HDAC4: variants seen among roughly 807,000 people sequenced by gnomAD.
HDAC4 encodes the protein histone deacetylase 4.
HDAC4 carries 16 observed loss-of-function variants against 135.1 expected under a neutral mutation model. The observed-to-expected ratio is 0.12, with a 90% confidence interval of 0.08 to 0.18. The LOEUF (loss-of-function observed/expected upper bound fraction) is 0.18, where lower values mean the gene tolerates loss of function less well. Ranked by LOEUF, HDAC4 falls within the 10% of genes least tolerant of loss-of-function variation. HDAC4 has a pLI of 1.00. For missense variants in HDAC4, 1,143 were observed against 1,511.8 expected, an observed-to-expected ratio of 0.76 and a Z score of 4.05; for synonymous variants, 685 against 653.4, an observed-to-expected ratio of 1.05 and a Z score of -0.74.
At chr2:239,118,384 G>A (rs1055908319) in intron 12 of HDAC4, among the ~76,000 whole-genome samples, 4 of 152,196 alleles carry the variant, frequency 2.6e-5, no homozygotes, top group Admixed American at 6.5e-5. Flanking sequence ...CGTGGGTGTC[G>A]GGGCGGGCCG....
chr2:239,392,962 G>C (rs1417327665), intron 1 of HDAC4, among the ~76,000 whole-genome samples: 1 of 152,164 alleles, frequency 6.6e-6, no homozygotes, highest in Non-Finnish European at 1.5e-5. Flanking sequence ...CTCCAGCACG[G>C]TTTCTACACA....
At chr2:239,246,395 G>A (rs1302066548) in intron 2 of HDAC4, among the ~76,000 whole-genome samples, 1 of 152,246 alleles carries the variant, frequency 6.6e-6, no homozygotes, top group Non-Finnish European at 1.5e-5. Context: ...GCAGGCCACA[G>A]GACGCGAGGA....
chr2:239,236,513 C>T, intron 3 of HDAC4, 80 bp downstream of exon 3: 1 of 1,177,654 alleles, frequency 8.5e-7, no homozygotes, highest in Admixed American at 2.0e-5. Context: ...CTCTGCACTC[C>T]TCCAATAAGG....
At chr2:239,122,087 C>T (rs1418335877) in intron 12 of HDAC4, among the ~76,000 whole-genome samples, 1 of 152,208 alleles carries the variant, frequency 6.6e-6, no homozygotes, top group East Asian at 1.9e-4. Flanking sequence ...ACGGCCAAAA[C>T]CGAACTGGTA....
chr2:239,299,449 G>A lies in HDAC4; in HGVS notation c.22+53229C>T, dbSNP rs565328068. Among the ~76,000 whole-genome samples the A allele has an allele frequency of 5.3e-4, 81 of 152,262 alleles. 2 individuals carry two copies. The South Asian group carries it at 0.015, about 29-fold the overall frequency. ...CTCAAGCAGATATTCTGATCCCCTC[G>A]CACAACCACGGCACTGGGGTGCCGA... On this transcript the variant is annotated intron_variant, in intron 2 of 26. Transcript: ENST00000543185. This position sits in a 1 kb window ranked among gnomAD's most constrained non-coding sequence, Gnocchi z 4.0.
At chr2:239,398,083 T>TAC (rs10629563) in intron 1 of HDAC4, among the ~76,000 whole-genome samples, 150,606 of 152,356 alleles carry the variant, frequency 0.99, 74,440 homozygotes, top group East Asian at 1. Context: ...CATCCCCAGC[T>TAC]AGTCATCAAT....
chr2:239,131,014 T>G (rs1315871320), intron 11 of HDAC4, among the ~76,000 whole-genome samples: 6 of 152,202 alleles, frequency 3.9e-5, no homozygotes, highest in Admixed American at 3.9e-4. Flanking sequence ...CTCAGCTAGT[T>G]ATGCGGAGAC....
intron 7 of HDAC4, among the ~76,000 whole-genome samples, chr2:239,147,968 C>T (rs895884706): frequency 5.3e-5 from 8 of 152,328 alleles, no homozygotes; most frequent in African/African-American, 1.4e-4. Flanking sequence ...CTCTCAGAGC[C>T]GGAACGCTTT....
chr2:239,078,504 T>C (rs1380834571), intron 22 of HDAC4, among the ~76,000 whole-genome samples: 1 of 152,062 alleles, frequency 6.6e-6, no homozygotes, highest in East Asian at 1.9e-4. Flanking sequence ...AATTGTAAAC[T>C]TCAAAGTGCT....
At chr2:239,205,500 A>G (rs1356481715) in intron 3 of HDAC4, among the ~76,000 whole-genome samples, 5 of 152,220 alleles carry the variant, frequency 3.3e-5, no homozygotes, top group African/African-American at 1.2e-4. Flanking sequence ...ATATAAACAT[A>G]TACCAGGCTG....
At chr2:239,251,277 G>A (rs1347423184) in intron 2 of HDAC4, among the ~76,000 whole-genome samples, 7 of 152,194 alleles carry the variant, frequency 4.6e-5, no homozygotes, top group Non-Finnish European at 7.3e-5. Context: ...CACAGCTAGC[G>A]TCGTGGGTGA....
At chr2:239,092,458 G>A (rs570421779) in intron 17 of HDAC4, among the ~76,000 whole-genome samples, 156 of 152,194 alleles carry the variant, frequency 1.0e-3, no homozygotes, top group African/African-American at 3.4e-3. Context: ...TGCAGGGAGC[G>A]GAGGGTGTAC....
rs968067683 is a variant in HDAC4, at chr2:239,262,563, G to A, written c.23-25899C>T. ...CAAGACTGATCTCTACTCTGAGGGGGCCAGAGCCTGGCTCTGACACTCTTG... is the reference window on the plus strand; with the variant it reads ...CAAGACTGATCTCTACTCTGAGGGGACCAGAGCCTGGCTCTGACACTCTTG... On this transcript the variant is annotated intron_variant, in intron 2 of 26. Coordinates refer to ENST00000543185, the MANE Select transcript of HDAC4 (RefSeq NM_001378414.1). This position sits in a 1 kb window ranked among gnomAD's most constrained non-coding sequence, Gnocchi z 4.1. Among the ~76,000 whole-genome samples the A allele has an allele frequency of 6.6e-6, 1 of 152,200 alleles. No homozygotes were observed. Among genetic ancestry groups the A allele is most frequent in the Non-Finnish European group, 1.5e-5 (1 of 68,028 alleles).
chr2:239,131,323 T>C lies in HDAC4; in HGVS notation c.1294+2922A>G, dbSNP rs555929959. Among the ~76,000 whole-genome samples the C allele has an allele frequency of 4.6e-5, 7 of 152,144 alleles. No individual in the cohort carries two copies. The South Asian group carries it at 1.5e-3, about 32-fold the overall frequency. On this transcript the variant is annotated intron_variant, in intron 11 of 26. Transcript: ENST00000543185. ...GGCTGGAGGGCTGTTCTAGCTTTGATATCCTATACACCTATGCACCACGAT... is the reference window on the plus strand; with the variant it reads ...GGCTGGAGGGCTGTTCTAGCTTTGACATCCTATACACCTATGCACCACGAT...
At position 239,051,377 on chromosome 2, in the gene HDAC4, C is replaced by A. The variant is rs370108296; in HGVS notation, c.*1720G>T. The A allele has an allele frequency of 6.6e-6, 1 of 151,626 alleles. No homozygotes were observed. The highest frequency in any genetic ancestry group is 6.6e-5 in the Admixed American group (1 of 15,250). 9.4% of individuals were successfully genotyped at this position (151,626 alleles called of 1,614,324 possible). A position where few individuals can be genotyped will look rare whatever the true frequency, so the allele number is the denominator to read the frequency against. On this transcript the variant is annotated 3_prime_UTR_variant, in exon 27 of 27. Coordinates refer to ENST00000543185, the MANE Select transcript of HDAC4 (RefSeq NM_001378414.1). ...ATTCTGTACGCTGCAGAAAACTCATCGTACAAAAATAAAAACAAAAATAAT... is the reference window on the plus strand; with the variant it reads ...ATTCTGTACGCTGCAGAAAACTCATAGTACAAAAATAAAAACAAAAATAAT...
intron 15 of HDAC4, among the ~76,000 whole-genome samples, chr2:239,103,646 C>T (rs1265362075): frequency 2.6e-5 from 4 of 152,220 alleles, no homozygotes; most frequent in Non-Finnish European, 1.5e-5. Context: ...ACCTGCTTCC[C>T]CCAGGCCTGA....
chr2:239,144,455 A>C, intron 8 of HDAC4, 128 bp downstream of exon 8: 1 of 1,242,690 alleles, frequency 8.0e-7, no homozygotes, highest in Non-Finnish European at 1.2e-6. Context: ...TGGGAACAGG[A>C]CCACACTGGG....
chr2:239,248,920 C>G (rs1283831497), intron 2 of HDAC4, among the ~76,000 whole-genome samples: 1 of 152,246 alleles, frequency 6.6e-6, no homozygotes, highest in South Asian at 2.1e-4. Flanking sequence ...TAAGTGATGG[C>G]CACAATTTTG....
intron 6 of HDAC4, among the ~76,000 whole-genome samples, chr2:239,159,513 CCT>C (rs1191539236): frequency 6.7e-6 from 1 of 148,964 alleles, no homozygotes; most frequent in African/African-American, 2.5e-5. Flanking sequence ...ACACTTCATG[CCT>C]CACACCCACC....
Sources: allele counts gnomAD v4.1 joint callset (sites outside exome capture counted in the v4.1 genomes callset), GRCh38; gene constraint gnomAD v4.1.1; non-coding constraint Gnocchi (gnomAD v3.1); transcripts MANE v1.5; gene names NCBI Gene and HGNC (gene_info 2026-07-23, HGNC 2026-07-21).